The following PDZK1 variants were observed in gnomAD, a reference collection of about 807,000 sequenced individuals.
PDZK1 encodes the protein Na(+)/H(+) exchange regulatory cofactor NHE-RF3.
In PDZK1, 23 loss-of-function variants were observed where a neutral mutation model predicts 38.1. That is an observed-to-expected ratio of 0.60 (90% CI 0.43 to 0.85). The LOEUF (loss-of-function observed/expected upper bound fraction) is 0.85. Among genes scored for constraint, PDZK1 ranks in the 40% least tolerant of loss-of-function variants. The probability of loss-of-function intolerance (pLI) is 0.00; values close to 1 mark genes in which losing one functional copy is unlikely to be tolerated. For missense variants in PDZK1, 297 were observed against 504.3 expected (o/e 0.59, Z 3.94); for synonymous variants, 98 against 186.2 (o/e 0.53, Z 3.86).
chr1:145,679,551 TG>T (rs1350632071), intron 5 of PDZK1, among the ~76,000 whole-genome samples: 4 of 152,132 alleles, frequency 2.6e-5, no homozygotes, highest in Non-Finnish European at 4.4e-5. Flanking sequence ...TCCTTCTGTC[TG>T]ATACAGATCT....
intron 1 of PDZK1, among the ~76,000 whole-genome samples, 196 bp from the exon 2 acceptor site, chr1:145,688,219 C>T (rs927449093): frequency 2.0e-5 from 3 of 152,042 alleles, no homozygotes; most frequent in Admixed American, 2.0e-4. Context: ...CAAGGACAAC[C>T]TTTTTACTAG....
chr1:145,685,801 C>T (rs587750494), intron 3 of PDZK1, among the ~76,000 whole-genome samples: 11 of 152,300 alleles, frequency 7.2e-5, no homozygotes, highest in African/African-American at 2.6e-4. Flanking sequence ...TAGTCTGCAC[C>T]TCTGAAATTC....
intron 5 of PDZK1, among the ~76,000 whole-genome samples, chr1:145,680,403 G>A (rs782578156): frequency 1.1e-4 from 16 of 152,030 alleles, no homozygotes; most frequent in Non-Finnish European, 2.4e-4. Flanking sequence ...AGAACCTAGT[G>A]TTCTTCCTAT....
intron 1 of PDZK1, among the ~76,000 whole-genome samples, chr1:145,702,012 T>A (rs782290951): frequency 7.2e-5 from 11 of 152,224 alleles, no homozygotes; most frequent in Non-Finnish European, 1.5e-4. Context: ...TTGCCTAGTG[T>A]ACTTTCCCAT....
chr1:145,687,782 T>C (rs1654916571), intron 2 of PDZK1, 30 bp downstream of exon 2: 2 of 1,564,822 alleles, frequency 1.3e-6, no homozygotes, highest in Non-Finnish European at 1.8e-6. Context: ...GAAGAGATCC[T>C]GGAAGAAAAG....
At position 145,706,417 on chromosome 1, in the gene PDZK1, T is replaced by C. The variant is rs868908518; in HGVS notation, c.-3+900A>G. Among the ~76,000 whole-genome samples, 3 of 152,192 alleles carry C rather than the reference T, an allele frequency of 2.0e-5. No individual in the cohort carries two copies. In the South Asian group the frequency reaches 6.2e-4, roughly 32 times the overall value. On this transcript the variant is annotated intron_variant, in intron 1 of 8. Coordinates refer to ENST00000417171, the MANE Select transcript of PDZK1 (RefSeq NM_001201325.2). The stretch of plus-strand genomic sequence containing the variant: ...TTCAGATGACTGGACAATCATGGCC[T>C]GAGGCAGTCCCTGCTACCCCCTCTT...
chr1:145,697,758 A>G lies in PDZK1; in HGVS notation c.-3+9559T>C, dbSNP rs184636831. ...ATTTCAGGCACCCGCCACCATGCCC[A>G]GCTAATTTTTTTTTTTTTTTTTTTT... On this transcript the variant is annotated intron_variant, in intron 1 of 8. Coordinates refer to ENST00000417171, the MANE Select transcript of PDZK1 (RefSeq NM_001201325.2). Among the ~76,000 whole-genome samples, 686 of 127,772 alleles carry G rather than the reference A, an allele frequency of 5.4e-3. 2 individuals carry two copies. The highest frequency in any genetic ancestry group is 0.013 in the Middle Eastern group (3 of 224). The allele number at this position is 127,772 out of a possible 152,430, so 83.8% of individuals were successfully genotyped here.
chr1:145,705,934 G>A (rs587647226), intron 1 of PDZK1, among the ~76,000 whole-genome samples: 7 of 152,116 alleles, frequency 4.6e-5, no homozygotes, highest in African/African-American at 1.7e-4. Flanking sequence ...ATTATTTTTT[G>A]TAGAGACGGG....
Position 145,671,814 on chromosome 1 carries a change from T to G in PDZK1, c.1507-325A>C, listed in dbSNP as rs1440272218. ...CTTAATGTCTGTGTATATTTCTTTT[T>G]TATAAGACTAGGATATTGACTTCCT... is the stretch of plus-strand genomic sequence containing the variant. On this transcript the variant is annotated intron_variant, in intron 8 of 8. Transcript: ENST00000417171. Among the ~76,000 whole-genome samples the G allele has an allele frequency of 8.5e-5, 13 of 152,314 alleles. No homozygotes were observed. In the South Asian group the frequency reaches 1.0e-3, roughly 12 times the overall value.
At chr1:145,677,424 G>A (rs1317667107) in intron 6 of PDZK1, among the ~76,000 whole-genome samples, 2 of 149,984 alleles carry the variant, frequency 1.3e-5, no homozygotes, top group East Asian at 3.9e-4. Flanking sequence ...GCACATAAAC[G>A]GTTAGGAACA....
rs71077285 is a variant in PDZK1, at chr1:145,677,910, T to TAA, written c.990+537_990+538dup. Among the ~76,000 whole-genome samples, 422 of 68,602 alleles carry TAA rather than the reference T, an allele frequency of 6.2e-3. 17 individuals carry two copies. The highest frequency in any genetic ancestry group is 0.014 in the African/African-American group (253 of 17,528). 45.0% of individuals were successfully genotyped at this position (68,602 alleles called of 152,430 possible). A position where few individuals can be genotyped will look rare whatever the true frequency, so the allele number is the denominator to read the frequency against. ...ACAACCTCAGTTCTTGTGTTAAAAG[T>TAA]AAAAAAAAAAAAAAAAAAAAAAAAA... On this transcript the variant is annotated intron_variant, in intron 6 of 8. Coordinates refer to ENST00000417171, the MANE Select transcript of PDZK1 (RefSeq NM_001201325.2).
At chr1:145,699,173 G>T (rs1048558109) in intron 1 of PDZK1, among the ~76,000 whole-genome samples, 1 of 152,208 alleles carries the variant, frequency 6.6e-6, no homozygotes, top group South Asian at 2.1e-4. Flanking sequence ...AGGAGGCAAA[G>T]GTTGCAGTGA....
intron 1 of PDZK1, among the ~76,000 whole-genome samples, chr1:145,692,935 C>T (rs587627168): frequency 1.7e-4 from 26 of 151,832 alleles, no homozygotes; most frequent in African/African-American, 5.8e-4. Context: ...CGCTTGAACC[C>T]GGGAGGTGGA....
In PDZK1 at chr1:145,673,793, A is replaced by C. The variant is rs1464412940; in HGVS notation, c.1079T>G (p.Leu360Arg). 6.2e-7 allele frequency: 1 copy of C among 1,611,626 alleles called. No homozygotes were observed. The highest frequency in any genetic ancestry group is 8.5e-7 in the Non-Finnish European group (1 of 1,179,760). Residue 360 changes from leucine (L) to arginine (R), a missense_variant, in exon 7 of 9, where the codon CTG (leucine) becomes CGG (arginine). This residue lies in a region of PDZK1 where 49 missense variants were observed against 135.6 expected (regional missense o/e 0.36). Coordinates refer to ENST00000417171, the MANE Select transcript of PDZK1 (RefSeq NM_001201325.2). ...AGTATCTGGTGGACTTGAGACTTCCAGAGAAGTGGGAGTAGGAGCTGGAGC... is the reference window on the plus strand; with the variant it reads ...AGTATCTGGTGGACTTGAGACTTCCCGAGAAGTGGGAGTAGGAGCTGGAGC... ...KEAPAPTPTS[L>R]EVSSPPDTTE... is the part of the protein sequence containing the mutation.
chr1:145,688,110 GT>G, intron 1 of PDZK1, 87 bp from the exon 2 acceptor site: 1 of 1,172,358 alleles, frequency 8.5e-7, no homozygotes, highest in Non-Finnish European at 1.3e-6. Context: ...CTATAATTCT[GT>G]TCTTCCAATC....
chr1:145,694,582 T>C (rs1655505083), intron 1 of PDZK1, among the ~76,000 whole-genome samples: 1 of 152,132 alleles, frequency 6.6e-6, no homozygotes, highest in African/African-American at 2.4e-5. Context: ...TATAGTTGAA[T>C]AAAGTTAAGA....
intron 1 of PDZK1, among the ~76,000 whole-genome samples, chr1:145,706,991 C>CA (rs1656280067): frequency 6.6e-6 from 1 of 152,054 alleles, no homozygotes; most frequent in Non-Finnish European, 1.5e-5. Context: ...CCTGTGAAGT[C>CA]AGTTGTCTCA....
Position 145,687,792 on chromosome 1 carries a change from G to A in PDZK1, c.210+20C>T. On this transcript the variant is annotated intron_variant, in intron 2 of 8. Coordinates refer to ENST00000417171, the MANE Select transcript of PDZK1 (RefSeq NM_001201325.2). ...GGGCTGAAGAGATCCTGGAAGAAAA[G>A]CCCCAAATGTCTCATTCACCTGCAT... is the stretch of plus-strand genomic sequence containing the variant. 4 of 1,581,734 alleles carry A rather than the reference G, an allele frequency of 2.5e-6. No homozygotes were observed. The highest frequency in any genetic ancestry group is 3.5e-6 in the Non-Finnish European group (4 of 1,150,614).
chr1:145,684,488 G>A (rs587626778), intron 3 of PDZK1, among the ~76,000 whole-genome samples: 325 of 151,518 alleles, frequency 2.1e-3, no homozygotes, highest in Non-Finnish European at 3.6e-3. Context: ...GATTACAGGC[G>A]TGAGCCACTG....
Sources: gnomAD v4.1 joint callset for allele counts (sites outside exome capture counted in the v4.1 genomes callset) on GRCh38, gnomAD v4.1.1 for gene constraint, gnomAD v4.1.1 regional missense constraint, MANE v1.5 for transcripts, NCBI Gene and HGNC (gene_info 2026-07-23, HGNC 2026-07-21) for gene names.